The following NOX5 variants were observed in gnomAD, a reference collection of about 807,000 sequenced individuals.
NOX5 encodes NADPH oxidase 5.
Under a neutral mutation model 85.7 loss-of-function variants are expected in NOX5, and 76 were observed. The observed-to-expected ratio is 0.89, with a 90% CI of 0.74 to 1.07. The LOEUF (loss-of-function observed/expected upper bound fraction) is 1.07. NOX5 is among the 50% of genes least tolerant of loss of function. NOX5 has a pLI of 0.00. For synonymous variants in NOX5, 405 were observed against 401.4 expected, an observed-to-expected ratio of 1.01 and a Z score of -0.11; for missense variants, 973 against 999.5, an observed-to-expected ratio of 0.97 and a Z score of 0.36.
intron 8 of NOX5, chr15:69,038,435 C>A: frequency 4.0e-6 from 1 of 252,380 alleles, no homozygotes; most frequent in Non-Finnish European, 7.7e-6. Flanking sequence ...TAACACAGTG[C>A]TCCAAAGCAA....
intron 1 of NOX5, among the ~76,000 whole-genome samples, chr15:69,018,123 C>T (rs958894649): frequency 1.3e-5 from 2 of 151,962 alleles, no homozygotes; most frequent in African/African-American, 4.8e-5. Flanking sequence ...CTCATGGAGC[C>T]CCAGAGGCGC....
chr15:69,028,259 A>T lies in NOX5; in HGVS notation c.219A>T (p.Arg73Ser). 1 of 1,613,180 alleles carries T rather than the reference A, an allele frequency of 6.2e-7. No individual in the cohort carries two copies. The highest frequency in any genetic ancestry group is 8.5e-7 in the Non-Finnish European group (1 of 1,179,596). ...ERFFALFDSD[R>S]SGTITLQELQ... ...TCTTTGCCCTATTTGACTCCGATAG[A>T]AGTGGCACCATCACCCTCCAGGAGC... The change falls in exon 3 of 16, where the codon AGA (arginine) becomes AGT (serine). Residue 73 changes from arginine to serine, a missense_variant. Arg to Ser is a moderately radical substitution (Grantham distance 110). Coordinates refer to ENST00000388866, the MANE Select transcript of NOX5 (RefSeq NM_024505.4).
chr15:69,042,872 TC>T, intron 10 of NOX5, 67 bp downstream of exon 10: 1 of 1,527,096 alleles, frequency 6.5e-7, no homozygotes, highest in Non-Finnish European at 8.9e-7. Flanking sequence ...GTTGCCTCCT[TC>T]TTCTCAGTGA....
chr15:69,018,623 GCTGTAC>G (rs750304674), intron 1 of NOX5, among the ~76,000 whole-genome samples: 2 of 151,786 alleles, frequency 1.3e-5, no homozygotes, highest in Non-Finnish European at 2.9e-5. Context: ...TGATCAGTGG[GCTGTAC>G]CTGTTGAGCC....
At chr15:69,038,802 C>G (rs996901950) in intron 8 of NOX5, 55 bp from the exon 9 acceptor site, 1 of 1,613,558 alleles carries the variant, frequency 6.2e-7, no homozygotes, top group Non-Finnish European at 8.5e-7. Context: ...TGTCCTGTAG[C>G]CCCTGGTGGC....
In NOX5 at chr15:69,033,116, T is replaced by C. The variant is rs1039937162; in HGVS notation, c.694T>C (p.Trp232Arg). The C allele has an allele frequency of 1.9e-6, 3 of 1,559,154 alleles. No homozygotes were observed. The highest frequency in any genetic ancestry group is 3.7e-5 in the Admixed American group (2 of 54,182). Residue 232 changes from tryptophan to arginine, a missense_variant, in exon 5 of 16, where the codon TGG becomes CGG. Coordinates refer to ENST00000388866, the MANE Select transcript of NOX5 (RefSeq NM_024505.4). The stretch of plus-strand genomic sequence containing the variant: ...GCCGCGCCAGCTGACCCGCGCCTAC[T>C]GGCACAACCACCGCAGCCAGCTGTT... ...RRPRQLTRAYWHNHRSQLFCL... is the reference protein window; with the variant it reads ...RRPRQLTRAYRHNHRSQLFCL...
rs2050610341 is a variant in NOX5 at position 69,042,689 on chromosome 15, C to T, written c.1531C>T (p.Gln511Ter). The change falls in exon 10 of 16, where the codon CAA becomes TAA. Residue 511 changes from glutamine (Q) to a stop codon, truncating the protein, a stop_gained. Transcript: ENST00000388866. LOFTEE classifies it high-confidence loss of function. ...CACTATCTGGCTGCACATTCGGTCC[C>T]AAGGCCAGTGGACAAACAGGCTGTA... The part of the protein sequence containing the change: ...KDTIWLHIRS[Q>*]GQWTNRLYES... 1 of 1,613,832 alleles carries T rather than the reference C, an allele frequency of 6.2e-7. No individual in the cohort carries two copies. The highest frequency in any genetic ancestry group is 1.3e-5 in the African/African-American group (1 of 74,916).
chr15:69,047,835 A>C lies in NOX5; in HGVS notation c.1823A>C (p.Gln608Pro). The C allele has an allele frequency of 6.2e-7, 1 of 1,614,124 alleles. No homozygotes were observed. The highest frequency in any genetic ancestry group is 8.5e-7 in the Non-Finnish European group (1 of 1,180,020). The change falls in exon 13 of 16, where the codon CAG becomes CCG. Residue 608 changes from glutamine (Q) to proline (P), a missense_variant. By Grantham distance (76) the Gln-to-Pro change is moderately conservative (BLOSUM62 -1). Transcript: ENST00000388866. The stretch of plus-strand genomic sequence containing the variant: ...TTCCTCCTGCCTCCCCTCAGGCACC[A>C]GAAAAGAAAGCATACTTGCCCCAGC... ...SILQSIMYRH[Q>P]KRKHTCPSCQ...
intron 14 of NOX5, 30 bp downstream of exon 14, chr15:69,049,088 A>T: frequency 6.6e-7 from 1 of 1,508,356 alleles, no homozygotes; most frequent in African/African-American, 1.4e-5. Context: ...TGAGGGCAGT[A>T]GGAGTAGGGC....
intron 8 of NOX5, chr15:69,038,198 G>C (rs1431008317): frequency 6.6e-6 from 1 of 152,642 alleles, no homozygotes; most frequent in African/African-American, 2.4e-5. Context: ...AGTTCTAGGC[G>C]GGCTCAGCTC....
chr15:69,030,792 T>C (rs1235101917), intron 3 of NOX5: 4 of 152,260 alleles, frequency 2.6e-5, no homozygotes, highest in Admixed American at 6.5e-5. Context: ...TTTACCATTA[T>C]CGAGTTTCCT....
intron 15 of NOX5, among the ~76,000 whole-genome samples, chr15:69,055,731 T>A (rs2050804420): frequency 6.6e-6 from 1 of 152,108 alleles, no homozygotes; most frequent in South Asian, 2.1e-4. Flanking sequence ...AGGAAGTTAG[T>A]CTCTATGACC....
intron 9 of NOX5, among the ~76,000 whole-genome samples, chr15:69,040,027 T>C (rs1047194657): frequency 7.2e-5 from 11 of 152,212 alleles, no homozygotes; most frequent in Non-Finnish European, 1.6e-4. Context: ...CTGGGGGTTC[T>C]CTGACTCATC....
chr15:69,036,894 A>C, intron 7 of NOX5, 134 bp from the exon 8 acceptor site: 1 of 720,960 alleles, frequency 1.4e-6, no homozygotes, highest in African/African-American at 1.8e-5. Flanking sequence ...CCAACATCTT[A>C]CCCAACTCCA....
At position 69,038,816 on chromosome 15, in the gene NOX5, G is replaced by C. The variant is rs529224751; in HGVS notation, c.1372-41G>C. On this transcript the variant is annotated intron_variant, in intron 8 of 15. Coordinates refer to ENST00000388866, the MANE Select transcript of NOX5 (RefSeq NM_024505.4). The stretch of plus-strand genomic sequence containing the variant: ...TTGTCCTGTAGCCCCTGGTGGCTTT[G>C]GGCCTGCAGGAATGATGCAGATCTC... 3.7e-6 allele frequency: 6 copies of C among 1,613,948 alleles called. No individual in the cohort carries two copies. The East Asian group carries it at 1.3e-4, about 36-fold the overall frequency.
chr15:69,048,324 A>G (rs749964797), intron 13 of NOX5, among the ~76,000 whole-genome samples: 40 of 152,162 alleles, frequency 2.6e-4, no homozygotes, highest in Admixed American at 7.9e-4. Context: ...CTTGAGCCCA[A>G]GAGCTCAAGA....
Position 69,037,018 on chromosome 15 carries a change from AC to A in NOX5, c.1189-5del. 1.3e-6 allele frequency: 2 copies of A among 1,571,024 alleles called. No individual in the cohort carries two copies. The highest frequency in any genetic ancestry group is 8.7e-7 in the Non-Finnish European group (1 of 1,154,430). On this transcript the variant is annotated splice_polypyrimidine_tract_variant and intron_variant, in intron 7 of 15. Coordinates refer to ENST00000388866, the MANE Select transcript of NOX5 (RefSeq NM_024505.4). ...GCTCTGGAAGTTGACTGCCCCCCCT[AC>A]CCCCATAGGTGTTCTATTGGACTCA...
intron 6 of NOX5, 36 bp from the exon 7 acceptor site, chr15:69,035,722 C>T: frequency 6.2e-7 from 1 of 1,603,708 alleles, no homozygotes; most frequent in East Asian, 2.2e-5. Context: ...AAGAGCTGGT[C>T]TTGCAGTCAC....
At chr15:69,035,534 C>T (rs376737064) in intron 6 of NOX5, 27 bp downstream of exon 6, 14 of 1,610,114 alleles carry the variant, frequency 8.7e-6, no homozygotes, top group African/African-American at 6.7e-5. Context: ...AGGGTTGGGT[C>T]GGGGAGAAGC....
Sources: gnomAD v4.1 joint callset for allele counts (sites outside exome capture counted in the v4.1 genomes callset) on GRCh38, gnomAD v4.1.1 for gene constraint, MANE v1.5 for transcripts, NCBI Gene and HGNC (gene_info 2026-07-23, HGNC 2026-07-21) for gene names.